Variants in VCPIP1 observed in about 807,000 individuals in gnomAD.
VCPIP1 encodes the protein valosin containing protein interacting protein 1.
A neutral mutation model predicts 85.0 loss-of-function variants in VCPIP1; 8 were observed. The observed-to-expected ratio is 0.09, with a 90% CI of 0.06 to 0.17. VCPIP1 has a LOEUF of 0.17. VCPIP1 is among the 10% of genes least tolerant of loss of function. The pLI, the probability that VCPIP1 is intolerant of heterozygous loss-of-function variation, is 1.00. For synonymous variants in VCPIP1, 543 were observed against 544.5 expected (o/e 1.00, Z 0.04); for missense variants, 1,070 against 1,486.3 (o/e 0.72, Z 4.61).
At chr8:66,655,109 T>C (rs1811087362) in intron 1 of VCPIP1, among the ~76,000 whole-genome samples, 1 of 152,236 alleles carries the variant, frequency 6.6e-6, no homozygotes, top group African/African-American at 2.4e-5. Flanking sequence ...CCTACATATA[T>C]GAATACCACA....
At position 66,666,776 on chromosome 8, in the gene VCPIP1, C is replaced by G; in HGVS notation, c.183G>C (p.Pro61=). ...DPKCQARLFF[P]ASGSVSIECT... The stretch of plus-strand genomic sequence containing the variant: ...ACTCGATGCTGACAGAACCGGAGGC[C>G]GGGAAAAATAGACGCGCCTGACACT... The change falls in exon 1 of 3, where the codon CCG becomes CCC. Residue 61 remains proline, a synonymous_variant. Coordinates refer to ENST00000310421, the MANE Select transcript of VCPIP1 (RefSeq NM_025054.5). This position sits in a 1 kb window ranked among gnomAD's most constrained non-coding sequence, Gnocchi z 6.3. 1 of 1,613,452 alleles carries G rather than the reference C, an allele frequency of 6.2e-7. No individual in the cohort carries two copies. The highest frequency in any genetic ancestry group is 8.5e-7 in the Non-Finnish European group (1 of 1,179,544).
chr8:66,630,002 T>C lies in VCPIP1; in HGVS notation c.*4499A>G, dbSNP rs567945097. The C allele has an allele frequency of 6.6e-6, 1 of 152,320 alleles. No individual in the cohort carries two copies. Among genetic ancestry groups the C allele is most frequent in the African/African-American group, 2.4e-5 (1 of 41,578 alleles). 9.4% of individuals were successfully genotyped at this position (152,320 alleles called of 1,614,324 possible). A position where few individuals can be genotyped will look rare whatever the true frequency, so the allele number is the denominator to read the frequency against. ...TAAGAATTTCTTTATAAAACTGAAC[T>C]ATATGTTCATGCATTATAATTCCAG... On this transcript the variant is annotated 3_prime_UTR_variant, in exon 3 of 3. Transcript: ENST00000310421.
intron 2 of VCPIP1, among the ~76,000 whole-genome samples, chr8:66,650,231 T>C (rs182239708): frequency 6.6e-6 from 1 of 152,318 alleles, no homozygotes; most frequent in Admixed American, 6.5e-5. Flanking sequence ...GTACTAATCA[T>C]TATTGAGGCT....
At chr8:66,637,223 C>T (rs1215190900) in intron 2 of VCPIP1, among the ~76,000 whole-genome samples, 2 of 151,686 alleles carry the variant, frequency 1.3e-5, no homozygotes, top group South Asian at 2.1e-4. Context: ...TGATGGCATA[C>T]ACCTATAGTC....
In VCPIP1 at chr8:66,633,315, A is replaced by G. The variant is rs1810852030; in HGVS notation, c.*1186T>C. Reference sequence around the variant, plus strand: ...AACTTAATTTCAGTGAACAGAGAAGAATATGGGTTGAAATGTACACTTCAG... The same window carrying G: ...AACTTAATTTCAGTGAACAGAGAAGGATATGGGTTGAAATGTACACTTCAG... On this transcript the variant is annotated 3_prime_UTR_variant, in exon 3 of 3. Transcript: ENST00000310421. The G allele has an allele frequency of 6.6e-6, 1 of 152,568 alleles. No homozygotes were observed. The highest frequency in any genetic ancestry group is 1.5e-5 in the Non-Finnish European group (1 of 67,978). 9.5% of individuals were successfully genotyped at this position (152,568 alleles called of 1,614,324 possible). A position where few individuals can be genotyped will look rare whatever the true frequency, so the allele number is the denominator to read the frequency against.
At chr8:66,663,647 C>T (rs1811178569) in intron 1 of VCPIP1, among the ~76,000 whole-genome samples, 1 of 152,166 alleles carries the variant, frequency 6.6e-6, no homozygotes, top group South Asian at 2.1e-4. Flanking sequence ...TGAACTACAA[C>T]TTATAACAGT....
chr8:66,638,970 C>CTCTCTATATATATATATATATATA, intron 2 of VCPIP1, among the ~76,000 whole-genome samples: 4 of 118,426 alleles, frequency 3.4e-5, no homozygotes, highest in Admixed American at 1.7e-4. Context: ...CTCTCTCTCT[C>CTCTCTATATATATATATATATATA]TATATATATA....
At chr8:66,647,573 T>C (rs189114309) in intron 2 of VCPIP1, among the ~76,000 whole-genome samples, 1 of 152,098 alleles carries the variant, frequency 6.6e-6, no homozygotes, top group Non-Finnish European at 1.5e-5. Context: ...ATTCTACAAA[T>C]ACTAATAGAA....
chr8:66,665,960 A>G lies in VCPIP1; in HGVS notation c.999T>C (p.Thr333=). 1.2e-6 allele frequency: 2 copies of G among 1,614,184 alleles called. No homozygotes were observed. Among genetic ancestry groups the G allele is most frequent in the Non-Finnish European group, 1.7e-6 (2 of 1,180,038 alleles). The stretch of plus-strand genomic sequence containing the variant: ...GTTTGTTCAAATGACCATCTTTCCC[A>G]GTGCACTTCTCTGCAGGGATGAGCC... ...LPGLIPAEKC[T]GKDGHLNKPI... The change falls in exon 1 of 3, where the codon ACT becomes ACC. Residue 333 remains threonine, a synonymous_variant. Transcript: ENST00000310421. This position sits in a 1 kb window ranked among gnomAD's most constrained non-coding sequence, Gnocchi z 4.3.
At position 66,666,917 on chromosome 8, in the gene VCPIP1, T is replaced by C. The variant is rs1563573736; in HGVS notation, c.42A>G (p.Pro14=). The change falls in exon 1 of 3, where the codon CCA becomes CCG. Residue 14 remains proline, a synonymous_variant. Coordinates refer to ENST00000310421, the MANE Select transcript of VCPIP1 (RefSeq NM_025054.5). The surrounding 1 kb of genome is among the most constrained non-coding windows in gnomAD (Gnocchi z 6.3). ...PPPPPPPLPP[P]PPPPEAPQTP... ...TCTGTGGAGCCTCAGGGGGAGGAGG[T>C]GGCGGCGGCAACGGAGGCGGCGGCG... is the stretch of plus-strand genomic sequence containing the variant. The C allele has an allele frequency of 6.9e-6, 11 of 1,588,234 alleles. No homozygotes were observed. Among genetic ancestry groups the C allele is most frequent in the Non-Finnish European group, 8.5e-6 (10 of 1,172,440 alleles).
At chr8:66,656,764 C>G (rs1232100465) in intron 1 of VCPIP1, among the ~76,000 whole-genome samples, 1 of 152,062 alleles carries the variant, frequency 6.6e-6, no homozygotes, top group East Asian at 1.9e-4. Flanking sequence ...CACAAACCAC[C>G]ATGCCCAACT....
rs1456720994 is a variant in VCPIP1 at position 66,634,995 on chromosome 8, C to G, written c.3175G>C (p.Asp1059His). 1 of 1,613,442 alleles carries G rather than the reference C, an allele frequency of 6.2e-7. No individual in the cohort carries two copies. Among genetic ancestry groups the G allele is most frequent in the Non-Finnish European group, 8.5e-7 (1 of 1,179,560 alleles). Residue 1059 changes from aspartate (D) to histidine (H), a missense_variant, in exon 3 of 3, where the codon GAC (aspartate) becomes CAC (histidine). Asp to His is a moderately conservative substitution (Grantham distance 81). Transcript: ENST00000310421. Reference sequence around the variant, plus strand: ...GTTTTAGTGGAACTATTACTAAAGTCTGTCCCTGTATTATGCTTTCTTACA... The same window carrying G: ...GTTTTAGTGGAACTATTACTAAAGTGTGTCCCTGTATTATGCTTTCTTACA... ...SVVRKHNTGT[D>H]FSNSSTKTEP...
At chr8:66,659,347 A>G (rs563878110) in intron 1 of VCPIP1, among the ~76,000 whole-genome samples, 78 of 152,270 alleles carry the variant, frequency 5.1e-4, no homozygotes, top group Non-Finnish European at 6.6e-4. Context: ...TAAGTATTAT[A>G]TAAATAATGA....
intron 2 of VCPIP1, among the ~76,000 whole-genome samples, chr8:66,637,484 T>C (rs1225294731): frequency 7.0e-5 from 8 of 113,760 alleles, no homozygotes; most frequent in Non-Finnish European, 8.5e-5. Flanking sequence ...AGACTCCATC[T>C]CAAAAAAAAA....
At chr8:66,639,321 CTTTTTTTTTTT>C (rs57563619) in intron 2 of VCPIP1, among the ~76,000 whole-genome samples, 3 of 67,816 alleles carry the variant, frequency 4.4e-5, no homozygotes, top group South Asian at 1.4e-3. Flanking sequence ...TAATTTTATT[CTTTTTTTTTTT>C]TTTTTTTTTT....
chr8:66,631,350 TAG>T lies in VCPIP1; in HGVS notation c.*3149_*3150del, dbSNP rs1222087547. On this transcript the variant is annotated 3_prime_UTR_variant, in exon 3 of 3. Transcript: ENST00000310421. ...TAGTTATTAGTGAGGTCTACATATT[TAG>T]AGAGTTATTCAGTAGCAGATAGTAT... 2.6e-5 allele frequency: 4 copies of T among 153,600 alleles called. No individual in the cohort carries two copies. The highest frequency in any genetic ancestry group is 4.4e-5 in the Non-Finnish European group (3 of 68,002). The allele number at this position is 153,600 out of a possible 1,614,324, so 9.5% of individuals were successfully genotyped here.
chr8:66,636,854 CA>C (rs569934579), intron 2 of VCPIP1, among the ~76,000 whole-genome samples: 25 of 140,932 alleles, frequency 1.8e-4, no homozygotes, highest in South Asian at 2.2e-4. Context: ...GACTCCGTCT[CA>C]AAAAAAAAAA....
chr8:66,667,043 C>T lies in VCPIP1; in HGVS notation c.-85G>A, dbSNP rs1024035850. The T allele has an allele frequency of 1.4e-6, 2 of 1,433,650 alleles. No homozygotes were observed. Among genetic ancestry groups the T allele is most frequent in the Non-Finnish European group, 1.8e-6 (2 of 1,097,164 alleles). The allele number at this position is 1,433,650 out of a possible 1,614,324, so 88.8% of individuals were successfully genotyped here. ...AGACCCCCACCAACCCGACTCGGTC[C>T]AGTCCAGGCCCAGGGCGAAGCACTT... On this transcript the variant is annotated 5_prime_UTR_variant, in exon 1 of 3. Transcript: ENST00000310421.
rs145204418 is a variant in VCPIP1, at chr8:66,646,817, A to G, written c.2797+4641T>C. 4.9e-3 allele frequency among the ~76,000 whole-genome samples: 751 copies of G among 151,942 alleles called. 4 individuals carry two copies. Among genetic ancestry groups the G allele is most frequent in the Middle Eastern group, 0.01 (3 of 294 alleles). On this transcript the variant is annotated intron_variant, in intron 2 of 2. Transcript: ENST00000310421. ...TCTCAAAAAAATAAATAAATACAGA[A>G]GTTCGAGACCAGCCTGGGCAACATG...
Sources: allele counts gnomAD v4.1 joint callset (sites outside exome capture counted in the v4.1 genomes callset), GRCh38; gene constraint gnomAD v4.1.1; non-coding constraint Gnocchi (gnomAD v3.1); transcripts MANE v1.5; gene names NCBI Gene and HGNC (gene_info 2026-07-23, HGNC 2026-07-21).